The following METTL15 variants were observed in gnomAD, a reference collection of about 807,000 sequenced individuals.
METTL15 encodes the protein 12S rRNA N(4)-cytidine methyltransferase METTL15.
Under a neutral mutation model 38.3 loss-of-function variants are expected in METTL15, and 34 were observed. The ratio of observed to expected loss-of-function variants is 0.89; its 90% CI spans 0.68 to 1.18. The LOEUF (loss-of-function observed/expected upper bound fraction) is 1.18. Ranked by LOEUF, METTL15 falls within the 50% of genes most tolerant of loss-of-function variation. The probability of loss-of-function intolerance (pLI) is 0.00; values close to 1 mark genes in which losing one functional copy is unlikely to be tolerated. For missense variants in METTL15, 438 were observed against 498.4 expected (o/e 0.88, Z 1.15); for synonymous variants, 162 against 170.9 (o/e 0.95, Z 0.41).
rs1202069931 is a variant in METTL15, at chr11:28,332,813, G to A, written c.*1972G>A. 2.0e-5 allele frequency: 3 copies of A among 151,996 alleles called. No homozygotes were observed. Among genetic ancestry groups the A allele is most frequent in the East Asian group, 1.9e-4 (1 of 5,178 alleles). The allele number at this position is 151,996 out of a possible 1,614,324, so 9.4% of individuals were successfully genotyped here. On this transcript the variant is annotated 3_prime_UTR_variant, in exon 7 of 7. Transcript: ENST00000407364. ...CTACTAAAAATAAAATTAGCCATGC[G>A]TGGTGCTTGTAATGTCAGCTACCCA...
intron 5 of METTL15, among the ~76,000 whole-genome samples, chr11:28,374,392 G>C (rs1850282025): frequency 6.6e-6 from 1 of 151,976 alleles, no homozygotes; most frequent in Non-Finnish European, 1.5e-5. Flanking sequence ...TCCCTTGTAA[G>C]TTGGTTTCCT....
At chr11:28,132,421 T>C (rs1849368866) in intron 3 of METTL15, among the ~76,000 whole-genome samples, 1 of 152,104 alleles carries the variant, frequency 6.6e-6, no homozygotes, top group Non-Finnish European at 1.5e-5. Context: ...TTTCATAAAA[T>C]CCAATTTGTT....
chr11:28,293,373 C>T (rs543608844), intron 5 of METTL15, among the ~76,000 whole-genome samples: 10 of 152,024 alleles, frequency 6.6e-5, no homozygotes, highest in South Asian at 6.2e-4. Flanking sequence ...TGTAGATATG[C>T]GGCGTTATTT....
intron 6 of METTL15, among the ~76,000 whole-genome samples, chr11:28,301,551 G>T (rs1164512626): frequency 6.6e-6 from 1 of 151,986 alleles, no homozygotes; most frequent in Admixed American, 6.6e-5. Flanking sequence ...TAGTTACTCC[G>T]CATTAAGAGG....
chr11:28,427,947 T>C (rs765710371), intron 6 of METTL15, among the ~76,000 whole-genome samples: 9 of 152,204 alleles, frequency 5.9e-5, no homozygotes, highest in Non-Finnish European at 1.2e-4. Flanking sequence ...GAACTTCCAA[T>C]ACTACGTTGA....
intron 3 of METTL15, among the ~76,000 whole-genome samples, chr11:28,155,918 G>A (rs145600084): frequency 1.1e-4 from 16 of 152,274 alleles, no homozygotes; most frequent in African/African-American, 3.4e-4. Flanking sequence ...GGCTGTCTCT[G>A]TAAGGTCACT....
At chr11:28,393,336 T>G (rs1294270725) in intron 5 of METTL15, among the ~76,000 whole-genome samples, 1 of 152,102 alleles carries the variant, frequency 6.6e-6, no homozygotes, top group Non-Finnish European at 1.5e-5. Context: ...AATGAAATAT[T>G]TAGTCTTTAA....
chr11:28,474,586 A>G (rs1851329292), intron 6 of METTL15, among the ~76,000 whole-genome samples: 1 of 152,212 alleles, frequency 6.6e-6, no homozygotes, highest in African/African-American at 2.4e-5. Context: ...GCAGGTTACT[A>G]AGAAATGAAA....
chr11:28,260,108 C>G (rs984015763), intron 4 of METTL15, among the ~76,000 whole-genome samples: 3 of 152,230 alleles, frequency 2.0e-5, no homozygotes, highest in Non-Finnish European at 4.4e-5. Context: ...CTTTGGTAAT[C>G]TATTCAACCT....
At chr11:28,294,276 A>G (rs1464386732) in intron 5 of METTL15, among the ~76,000 whole-genome samples, 1 of 152,166 alleles carries the variant, frequency 6.6e-6, no homozygotes, top group African/African-American at 2.4e-5. Context: ...TTCATTGAAA[A>G]AGAAAAGTCA....
intron 3 of METTL15, chr11:28,144,784 C>A (rs1849822538): frequency 6.5e-6 from 1 of 153,002 alleles, no homozygotes; most frequent in African/African-American, 2.4e-5. Flanking sequence ...AACAGTCATA[C>A]CACTGATTAT....
intron 3 of METTL15, among the ~76,000 whole-genome samples, chr11:28,114,345 T>C (rs1283097721): frequency 6.6e-6 from 1 of 152,234 alleles, no homozygotes; most frequent in Non-Finnish European, 1.5e-5. Context: ...TTGCATTGTA[T>C]GGATATGCCA....
At chr11:28,140,159 C>CT (rs1176085406) in intron 3 of METTL15, among the ~76,000 whole-genome samples, 1 of 152,154 alleles carries the variant, frequency 6.6e-6, no homozygotes, top group Non-Finnish European at 1.5e-5. Context: ...AGATGTGCCT[C>CT]TAAGAACAGA....
At chr11:28,275,435 A>G (rs1293016814) in intron 4 of METTL15, among the ~76,000 whole-genome samples, 1 of 152,034 alleles carries the variant, frequency 6.6e-6, no homozygotes, top group Admixed American at 6.6e-5. Context: ...CAGACCAGTA[A>G]TGTGTAGCAA....
chr11:28,378,667 T>C (rs1273951125), intron 5 of METTL15, among the ~76,000 whole-genome samples: 3 of 152,022 alleles, frequency 2.0e-5, no homozygotes, highest in Admixed American at 1.3e-4. Context: ...TATTCGGCCA[T>C]CTTGGCTCCT....
At chr11:28,134,467 G>C (rs1849449115) in intron 3 of METTL15, 5 of 398,070 alleles carry the variant, frequency 1.3e-5, no homozygotes, top group Admixed American at 4.4e-5. Flanking sequence ...ACAAAACATG[G>C]GTTGGAGGTT....
At position 28,343,805 on chromosome 11, in the gene METTL15, T is replaced by C. The variant is rs568080253; in HGVS notation, c.*190-8285T>C. On this transcript the variant is annotated intron_variant and NMD_transcript_variant, in intron 3 of 7. Coordinates refer to the METTL15 transcript ENST00000532947. ...TCTATTTGCAAGGCACTGGGGGCAATAGAGTAAAAAAAGTGCTTCTTGTTC... is the reference window on the plus strand; with the variant it reads ...TCTATTTGCAAGGCACTGGGGGCAACAGAGTAAAAAAAGTGCTTCTTGTTC... 6.4e-4 allele frequency among the ~76,000 whole-genome samples: 98 copies of C among 152,260 alleles called. 1 individual carries two copies. Among genetic ancestry groups the C allele is most frequent in the Non-Finnish European group, 1.2e-3 (84 of 68,010 alleles).
At chr11:28,146,295 G>C (rs976495871) in intron 3 of METTL15, among the ~76,000 whole-genome samples, 5 of 151,910 alleles carry the variant, frequency 3.3e-5, no homozygotes, top group African/African-American at 9.7e-5. Flanking sequence ...TATTTCTTGT[G>C]TAAGAAAAGT....
At chr11:28,145,409 A>G (rs1849846885) in intron 3 of METTL15, 1 of 152,060 alleles carries the variant, frequency 6.6e-6, no homozygotes, top group Non-Finnish European at 1.5e-5. Flanking sequence ...TGAAAAAATT[A>G]CTTGTAGACA....
Sources: gnomAD v4.1 joint callset for allele counts (sites outside exome capture counted in the v4.1 genomes callset) on GRCh38, gnomAD v4.1.1 for gene constraint, MANE v1.5 for transcripts, NCBI Gene and HGNC (gene_info 2026-07-23, HGNC 2026-07-21) for gene names.